The following TRPV3 variants were observed in gnomAD, a reference collection of about 807,000 sequenced individuals.
TRPV3 encodes transient receptor potential cation channel subfamily V member 3.
Under a neutral mutation model 87.1 loss-of-function variants are expected in TRPV3, and 88 were observed. That is an observed-to-expected ratio of 1.01 (90% CI 0.85 to 1.21). The LOEUF (loss-of-function observed/expected upper bound fraction) is 1.21. Among genes scored for constraint, TRPV3 ranks in the 50% most tolerant of loss-of-function variants. The probability of loss-of-function intolerance (pLI) is 0.00; values close to 1 mark genes in which losing one functional copy is unlikely to be tolerated. For missense variants in TRPV3, 1,054 were observed against 1,030.1 expected (o/e 1.02, Z -0.32); for synonymous variants, 438 against 423.3 (o/e 1.03, Z -0.43).
rs543725462 is a variant in TRPV3 at position 3,546,064 on chromosome 17, G to T, written c.120-793C>A. On this transcript the variant is annotated intron_variant, in intron 2 of 17. Transcript: ENST00000576742. The stretch of plus-strand genomic sequence containing the variant: ...TTGTGAGGCTTCGATTCTGCTTACT[G>T]AGCACGTGTTGCACGTGAAAAGGGG... Among the ~76,000 whole-genome samples, 20 of 151,978 alleles carry T rather than the reference G, an allele frequency of 1.3e-4. No homozygotes were observed. In the South Asian group the frequency reaches 4.2e-3, roughly 32 times the overall value.
chr17:3,519,107 C>T (rs915967381), intron 14 of TRPV3, among the ~76,000 whole-genome samples: 1 of 152,220 alleles, frequency 6.6e-6, no homozygotes, highest in South Asian at 2.1e-4. Context: ...TGATCACTTG[C>T]AGCCTTGCAG....
At chr17:3,543,424 G>T (rs1597487508) in intron 5 of TRPV3, 50 bp downstream of exon 5, 3 of 1,597,716 alleles carry the variant, frequency 1.9e-6, no homozygotes, top group Non-Finnish European at 1.7e-6. Flanking sequence ...GGCACCAGAA[G>T]CCAAGCAGGG....
chr17:3,520,426 G>T (rs191586215), intron 14 of TRPV3, among the ~76,000 whole-genome samples: 1 of 152,314 alleles, frequency 6.6e-6, no homozygotes, highest in East Asian at 1.9e-4. Context: ...AAGACCATCA[G>T]TTGAGTTTCT....
chr17:3,517,600 A>G (rs1179958963), intron 15 of TRPV3, among the ~76,000 whole-genome samples: 1 of 144,518 alleles, frequency 6.9e-6, no homozygotes, highest in Non-Finnish European at 1.5e-5. Context: ...AGCCTGGGCA[A>G]CAGAGCAAGA....
intron 6 of TRPV3, among the ~76,000 whole-genome samples, chr17:3,537,493 A>T (rs1430703096): frequency 7.9e-5 from 12 of 152,188 alleles, no homozygotes; most frequent in Admixed American, 7.9e-4. Context: ...CTGGTCTTGA[A>T]TTCCTGGGCT....
Position 3,513,907 on chromosome 17 carries a change from G to T in TRPV3, c.*10C>A. On this transcript the variant is annotated 3_prime_UTR_variant, in exon 18 of 18. Transcript: ENST00000576742. Reference sequence around the variant, plus strand: ...ACAGCGCACGCGCACACCAGCTCTGGGTTCCGCTTCTACACCGAGGTTTCC... The same window carrying T: ...ACAGCGCACGCGCACACCAGCTCTGTGTTCCGCTTCTACACCGAGGTTTCC... 1 of 1,612,586 alleles carries T rather than the reference G, an allele frequency of 6.2e-7. No homozygotes were observed. The highest frequency in any genetic ancestry group is 8.5e-7 in the Non-Finnish European group (1 of 1,178,680).
rs1187279089 is a variant in TRPV3, at chr17:3,518,276, T to C, written c.2085+300A>G. Among the ~76,000 whole-genome samples the C allele has an allele frequency of 6.6e-6, 1 of 152,182 alleles. No individual in the cohort carries two copies. Among genetic ancestry groups the C allele is most frequent in the African/African-American group, 2.4e-5 (1 of 41,456 alleles). ...GTCACCTCCACTGTCCTAGACGCTG[T>C]ACTCCTCTTAATGCAACCTAAGGTC... On this transcript the variant is annotated intron_variant, in intron 15 of 17. Coordinates refer to ENST00000576742, the MANE Select transcript of TRPV3 (RefSeq NM_145068.4). The surrounding 1 kb of genome is among the most constrained non-coding windows in gnomAD (Gnocchi z 4.3).
intron 12 of TRPV3, 114 bp downstream of exon 12, chr17:3,526,740 G>T: frequency 2.5e-6 from 2 of 815,212 alleles, no homozygotes; most frequent in Non-Finnish European, 4.1e-6. Context: ...ATGGCAGAGT[G>T]ACTGGGACAC....
At chr17:3,520,016 G>A (rs533077457) in intron 14 of TRPV3, among the ~76,000 whole-genome samples, 6 of 64,374 alleles carry the variant, frequency 9.3e-5, no homozygotes, top group South Asian at 7.4e-4. Context: ...ATGGATGGAC[G>A]GATAGACAGG....
At chr17:3,531,751 C>T (rs1415548341) in intron 8 of TRPV3, among the ~76,000 whole-genome samples, 1 of 152,212 alleles carries the variant, frequency 6.6e-6, no homozygotes, top group African/African-American at 2.4e-5. Flanking sequence ...GCAGGAGCTG[C>T]GGGGAGGCAG....
rs747932928 is a variant in TRPV3, at chr17:3,551,870, C to CTTTTTTTTTTTTTTTTTTTTTTTTTT, written c.119+2836_119+2861dup. 6.9e-5 allele frequency among the ~76,000 whole-genome samples: 3 copies of CTTTTTTTTTTTTTTTTTTTTTTTTTT among 43,360 alleles called. 1 individual carries two copies. The highest frequency in any genetic ancestry group is 1.3e-4 in the Non-Finnish European group (3 of 23,886). 28.4% of individuals were successfully genotyped at this position (43,360 alleles called of 152,430 possible). A position where few individuals can be genotyped will look rare whatever the true frequency, so the allele number is the denominator to read the frequency against. Reference sequence around the variant, plus strand: ...CCTCTTTCTTCACCTGTAATTTATTCTTTTTTTTTTTTTTTTTTTTTTTTT... The same window carrying CTTTTTTTTTTTTTTTTTTTTTTTTTT: ...CCTCTTTCTTCACCTGTAATTTATTCTTTTTTTTTTTTTTTTTTTTTTTTTTTTTTTTTTTTTTTTTTTTTTTTTTT... On this transcript the variant is annotated intron_variant, in intron 2 of 17. Coordinates refer to ENST00000576742, the MANE Select transcript of TRPV3 (RefSeq NM_145068.4).
intron 16 of TRPV3, among the ~76,000 whole-genome samples, chr17:3,515,857 G>C (rs2074178081): frequency 1.3e-5 from 2 of 152,074 alleles, no homozygotes; most frequent in Non-Finnish European, 2.9e-5. Flanking sequence ...AAACCAGATA[G>C]CGAACACAGA....
In TRPV3 at chr17:3,544,527, G is replaced by C. The variant is rs987829036; in HGVS notation, c.311+52C>G. 3.3e-6 allele frequency: 4 copies of C among 1,196,998 alleles called. No homozygotes were observed. The African/African-American group carries it at 6.1e-5, about 18-fold the overall frequency. 74.1% of individuals were successfully genotyped at this position (1,196,998 alleles called of 1,614,324 possible). A position where few individuals can be genotyped will look rare whatever the true frequency, so the allele number is the denominator to read the frequency against. On this transcript the variant is annotated intron_variant, in intron 4 of 17. Coordinates refer to ENST00000576742, the MANE Select transcript of TRPV3 (RefSeq NM_145068.4). ...CAGGGCCCCGGATCCTGTCTCTCTG[G>C]CACCCCCAGCCTGGGTGGGCACAGT...
At chr17:3,535,234 C>CCCTCCCTCTCCTTCCTCCT (rs1567639017) in intron 7 of TRPV3, among the ~76,000 whole-genome samples, 2 of 46,108 alleles carry the variant, frequency 4.3e-5, no homozygotes, top group East Asian at 1.2e-3. Flanking sequence ...CCTCCCTCCT[C>CCCTCCCTCTCCTTCCTCCT]CCTCCCTCCC....
intron 13 of TRPV3, among the ~76,000 whole-genome samples, chr17:3,523,489 C>T (rs1355955223): frequency 6.6e-6 from 1 of 152,074 alleles, no homozygotes; most frequent in Non-Finnish European, 1.5e-5. Flanking sequence ...GAGGCCGAGG[C>T]AGGTGGATCA....
chr17:3,512,298 GC>G lies in TRPV3; in HGVS notation c.*1618del, dbSNP rs1441115081. The G allele has an allele frequency of 7.0e-6, 1 of 143,582 alleles. No individual in the cohort carries two copies. Among genetic ancestry groups the G allele is most frequent in the East Asian group, 2.1e-4 (1 of 4,738 alleles). 8.9% of individuals were successfully genotyped at this position (143,582 alleles called of 1,614,324 possible). A position where few individuals can be genotyped will look rare whatever the true frequency, so the allele number is the denominator to read the frequency against. ...ATTACTCCCTGGGTCAGCTGGGAGG[GC>G]AGGGGCTGCTGTGGATTGTGAAGCC... On this transcript the variant is annotated 3_prime_UTR_variant, in exon 18 of 18. Coordinates refer to ENST00000576742, the MANE Select transcript of TRPV3 (RefSeq NM_145068.4).
intron 7 of TRPV3, among the ~76,000 whole-genome samples, chr17:3,534,095 C>T (rs1267357082): frequency 2.0e-5 from 3 of 152,138 alleles, no homozygotes; most frequent in East Asian, 3.9e-4. Flanking sequence ...CCCCTCTCCT[C>T]GCCCCACCCA....
chr17:3,529,391 C>T (rs1442863362), intron 9 of TRPV3, among the ~76,000 whole-genome samples: 1 of 152,128 alleles, frequency 6.6e-6, no homozygotes, highest in Non-Finnish European at 1.5e-5. Context: ...CCCTGCCCTA[C>T]CAACCAGGCT....
chr17:3,519,878 A>ATGAT (rs1447035011), intron 14 of TRPV3, among the ~76,000 whole-genome samples: 2,421 of 137,546 alleles, frequency 0.018, 31 homozygotes, highest in Non-Finnish European at 0.021. Flanking sequence ...GGATGGATGG[A>ATGAT]TGGATGGATG....
Sources: gnomAD v4.1 joint callset for allele counts (sites outside exome capture counted in the v4.1 genomes callset) on GRCh38, gnomAD v4.1.1 for gene constraint, Gnocchi (gnomAD v3.1) non-coding constraint, MANE v1.5 for transcripts, NCBI Gene and HGNC (gene_info 2026-07-23, HGNC 2026-07-21) for gene names.